Variants in DPP6 observed in about 807,000 individuals in gnomAD.
The protein encoded by DPP6 is dipeptidyl peptidase like 6.
Under a neutral mutation model 122.6 loss-of-function variants are expected in DPP6, and 69 were observed. The ratio of observed to expected loss-of-function variants is 0.56; its 90% CI spans 0.46 to 0.69. The LOEUF is 0.69. DPP6 is among the 30% of genes least tolerant of loss of function. The probability of loss-of-function intolerance (pLI) is 0.00; values close to 1 mark genes in which losing one functional copy is unlikely to be tolerated. For missense variants in DPP6, 928 were observed against 1,116.9 expected, an observed-to-expected ratio of 0.83 and a Z score of 2.41; for synonymous variants, 418 against 433.1, an observed-to-expected ratio of 0.97 and a Z score of 0.43.
chr7:154,857,031 T>C (rs916688654), intron 17 of DPP6, among the ~76,000 whole-genome samples: 9 of 151,954 alleles, frequency 5.9e-5, no homozygotes, highest in Non-Finnish European at 8.8e-5. Context: ...CCTATTTATA[T>C]AGCAGTGTTT....
At position 154,637,814 on chromosome 7, in the gene DPP6, G is replaced by A; in HGVS notation, c.628-7G>A. On this transcript the variant is annotated splice_region_variant and splice_polypyrimidine_tract_variant and intron_variant, in intron 5 of 25. Coordinates refer to ENST00000377770, the MANE Select transcript of DPP6 (RefSeq NM_130797.4). ...TGCCTACCTTTTTTCCTTTTTGTCT[G>A]TTGCAGATATATCAACACTCGTATA... 2 of 1,573,172 alleles carry A rather than the reference G, an allele frequency of 1.3e-6. No individual in the cohort carries two copies. The highest frequency in any genetic ancestry group is 1.7e-6 in the Non-Finnish European group (2 of 1,158,190).
chr7:154,087,618 G>A (rs1262290081), intron 1 of DPP6, among the ~76,000 whole-genome samples: 1 of 152,158 alleles, frequency 6.6e-6, no homozygotes, highest in Non-Finnish European at 1.5e-5. Context: ...CTCTCTGTCC[G>A]TCCCTAATCC....
intron 1 of DPP6, among the ~76,000 whole-genome samples, chr7:154,120,242 CTCT>C (rs1445737040): frequency 1.3e-5 from 2 of 151,070 alleles, no homozygotes; most frequent in African/African-American, 4.8e-5. Flanking sequence ...ATCATTTTCT[CTCT>C]TCTTTTTTTT....
At chr7:154,568,932 G>A (rs1830937874) in intron 5 of DPP6, among the ~76,000 whole-genome samples, 1 of 152,152 alleles carries the variant, frequency 6.6e-6, no homozygotes, top group East Asian at 1.9e-4. Context: ...AGCAGTTACT[G>A]TATACATGAC....
At chr7:154,889,562 T>C in intron 25 of DPP6, 32 bp downstream of exon 25, 5 of 1,586,040 alleles carry the variant, frequency 3.2e-6, no homozygotes, top group Non-Finnish European at 4.3e-6. Flanking sequence ...GTTTTGAACC[T>C]GGAGCAAGAC....
At chr7:154,744,934 G>A (rs534805807) in intron 8 of DPP6, among the ~76,000 whole-genome samples, 43 of 152,260 alleles carry the variant, frequency 2.8e-4, no homozygotes, top group African/African-American at 9.4e-4. Context: ...AGGATGATCC[G>A]AAACGCGACC....
chr7:154,088,772 A>C (rs2150545153), intron 1 of DPP6, among the ~76,000 whole-genome samples: 1 of 152,092 alleles, frequency 6.6e-6, no homozygotes, highest in Middle Eastern at 3.4e-3. Context: ...TTTTAAGAGA[A>C]ACTCGTGCTT....
At chr7:154,013,407 C>G (rs1381487918) in intron 1 of DPP6, among the ~76,000 whole-genome samples, 2 of 149,864 alleles carry the variant, frequency 1.3e-5, no homozygotes, top group Non-Finnish European at 3.0e-5. Context: ...ATAAAATTAA[C>G]AAAACTTTTA....
intron 1 of DPP6, among the ~76,000 whole-genome samples, chr7:154,385,184 T>C (rs1373502623): frequency 1.3e-5 from 2 of 152,232 alleles, no homozygotes; most frequent in Non-Finnish European, 2.9e-5. Flanking sequence ...TTAGCCAGGA[T>C]GGTCTTGATC....
chr7:154,022,954 C>A (rs532362311), intron 1 of DPP6, among the ~76,000 whole-genome samples: 2 of 152,288 alleles, frequency 1.3e-5, no homozygotes, highest in Non-Finnish European at 2.9e-5. Context: ...TTCTTAACTT[C>A]TAATCCAAGG....
chr7:154,652,967 CCATT>C (rs1291677205), intron 6 of DPP6, among the ~76,000 whole-genome samples: 2 of 152,142 alleles, frequency 1.3e-5, no homozygotes, highest in Non-Finnish European at 2.9e-5. Context: ...CCGTTCACGT[CCATT>C]CATTCTTTAA....
chr7:154,092,043 C>T (rs1235461033), intron 1 of DPP6, among the ~76,000 whole-genome samples: 2 of 151,932 alleles, frequency 1.3e-5, no homozygotes, highest in Non-Finnish European at 2.9e-5. Flanking sequence ...GGGAGCTGTG[C>T]TTATGCAGAA....
At chr7:154,714,583 AG>A (rs1437580418) in intron 7 of DPP6, among the ~76,000 whole-genome samples, 1 of 152,154 alleles carries the variant, frequency 6.6e-6, no homozygotes, top group African/African-American at 2.4e-5. Context: ...AGGTCTTGTG[AG>A]AACTAACTCA....
intron 1 of DPP6, among the ~76,000 whole-genome samples, chr7:153,895,686 A>G (rs73494319): frequency 0.038 from 5,846 of 151,980 alleles, 348 homozygotes; most frequent in African/African-American, 0.13. Flanking sequence ...AAGACTGTAT[A>G]TGTGTGTGTG....
At chr7:153,931,095 GTCTT>G (rs1480024326) in intron 1 of DPP6, among the ~76,000 whole-genome samples, 5 of 152,340 alleles carry the variant, frequency 3.3e-5, no homozygotes, top group African/African-American at 9.6e-5. Flanking sequence ...GGATGTATCT[GTCTT>G]TCTTGGCCTT....
chr7:154,155,403 C>A (rs1796627827), intron 1 of DPP6, among the ~76,000 whole-genome samples: 1 of 152,124 alleles, frequency 6.6e-6, no homozygotes, highest in Non-Finnish European at 1.5e-5. Context: ...AACAAGCATC[C>A]CTCCCTGCAG....
chr7:154,797,393 C>A (rs914453860), intron 12 of DPP6, among the ~76,000 whole-genome samples: 1 of 151,338 alleles, frequency 6.6e-6, no homozygotes, highest in Non-Finnish European at 1.5e-5. Flanking sequence ...CATATATATA[C>A]AATATAATAC....
At chr7:154,153,622 A>G (rs1465166163) in intron 1 of DPP6, among the ~76,000 whole-genome samples, 1 of 152,218 alleles carries the variant, frequency 6.6e-6, no homozygotes, top group African/African-American at 2.4e-5. Flanking sequence ...TTTTCTGACC[A>G]CAGTAAGTGC....
chr7:154,026,101 T>G (rs979224343), intron 1 of DPP6, among the ~76,000 whole-genome samples: 10 of 150,334 alleles, frequency 6.7e-5, no homozygotes, highest in Admixed American at 2.0e-4. Flanking sequence ...TGCCTGCTTT[T>G]GCTTTGGGGT....
Sources: allele counts gnomAD v4.1 joint callset (sites outside exome capture counted in the v4.1 genomes callset), GRCh38; gene constraint gnomAD v4.1.1; transcripts MANE v1.5; gene names NCBI Gene and HGNC (gene_info 2026-07-23, HGNC 2026-07-21).